YME1L1: variants seen among roughly 807,000 people sequenced by gnomAD.
The protein encoded by YME1L1 is ATP-dependent zinc metalloprotease YME1L1.
In YME1L1, 39 loss-of-function variants were observed where a neutral mutation model predicts 90.4. That is an observed-to-expected ratio of 0.43 (90% CI 0.33 to 0.56). YME1L1 has a LOEUF of 0.56. YME1L1 is among the 20% of genes least tolerant of loss of function. The pLI is 0.03. For synonymous variants in YME1L1, 284 were observed against 287.3 expected (o/e 0.99, Z 0.12); for missense variants, 617 against 868.4 (o/e 0.71, Z 3.64).
At chr10:27,137,586 T>C (rs2057042383) in intron 4 of YME1L1, among the ~76,000 whole-genome samples, 1 of 152,196 alleles carries the variant, frequency 6.6e-6, no homozygotes, top group South Asian at 2.1e-4. Flanking sequence ...TTTCCTTTTC[T>C]TCATATCCTT....
chr10:27,154,166 T>A lies in YME1L1; in HGVS notation c.33+12A>T, dbSNP rs1387971968. On this transcript the variant is annotated intron_variant, in intron 1 of 18. Coordinates refer to ENST00000376016, the MANE Select transcript of YME1L1 (RefSeq NM_014263.4). ...GCGGGAGGAAAAAAAATGGGCTGAA[T>A]GCCTGGCTTACCTGGGGTTGCACCG... is the stretch of plus-strand genomic sequence containing the variant. 4.4e-6 allele frequency: 7 copies of A among 1,587,280 alleles called. No homozygotes were observed. The highest frequency in any genetic ancestry group is 2.3e-5 in the South Asian group (2 of 87,294).
chr10:27,140,729 G>A (rs534880751), intron 4 of YME1L1, among the ~76,000 whole-genome samples: 18 of 151,226 alleles, frequency 1.2e-4, no homozygotes, highest in Admixed American at 6.6e-4. Flanking sequence ...CACCCTCCTC[G>A]GCCTACCAAA....
chr10:27,138,830 A>G (rs184777925), intron 4 of YME1L1, among the ~76,000 whole-genome samples: 268 of 152,240 alleles, frequency 1.8e-3, no homozygotes, highest in African/African-American at 6.3e-3. Context: ...ATGCTGAAAA[A>G]AAAACCAGGA....
At chr10:27,136,696 G>A (rs1376198110) in intron 4 of YME1L1, among the ~76,000 whole-genome samples, 1 of 142,170 alleles carries the variant, frequency 7.0e-6, no homozygotes, top group Non-Finnish European at 1.5e-5. Context: ...TTTTCAAAAG[G>A]AACTTTATTT....
At chr10:27,123,150 T>A (rs1199110298) in intron 10 of YME1L1, among the ~76,000 whole-genome samples, 177 bp from the exon 11 acceptor site, 1 of 152,192 alleles carries the variant, frequency 6.6e-6, no homozygotes, top group Admixed American at 6.6e-5. Context: ...GAAAAAACTA[T>A]ACCAAAGAAA....
chr10:27,149,711 C>CA (rs58900380), intron 1 of YME1L1, among the ~76,000 whole-genome samples: 1,259 of 32,270 alleles, frequency 0.039, 125 homozygotes, highest in Non-Finnish European at 0.053. Context: ...ACCTGTCTCT[C>CA]AAAAAAAAAA....
At chr10:27,141,888 C>T (rs2135890933) in intron 4 of YME1L1, among the ~76,000 whole-genome samples, 1 of 152,288 alleles carries the variant, frequency 6.6e-6, no homozygotes, top group Middle Eastern at 3.4e-3. Flanking sequence ...TTTTCATTTA[C>T]AGTGATCACT....
In YME1L1 at chr10:27,123,718, G is replaced by A. The variant is rs375010837; in HGVS notation, c.950-19C>T. ...AGAATTCCTAAAAGAAAATGAAAACGAGAATGATTCAAAGTATTTTTAAAA... is the reference window on the plus strand; with the variant it reads ...AGAATTCCTAAAAGAAAATGAAAACAAGAATGATTCAAAGTATTTTTAAAA... On this transcript the variant is annotated intron_variant, in intron 9 of 18. Transcript: ENST00000376016. 4.7e-5 allele frequency: 74 copies of A among 1,580,606 alleles called. No individual in the cohort carries two copies. The highest frequency in any genetic ancestry group is 5.8e-5 in the Non-Finnish European group (68 of 1,168,228).
chr10:27,119,277 A>G lies in YME1L1; in HGVS notation c.1567+17T>C. 6.3e-7 allele frequency: 1 copy of G among 1,577,636 alleles called. No individual in the cohort carries two copies. On this transcript the variant is annotated intron_variant, in intron 14 of 18. Transcript: ENST00000376016. ...CAATGAAAAGTAAAAGACAGAAAAA[A>G]AAGAAAGGAAACCTACCCATTAGAA... is the stretch of plus-strand genomic sequence containing the variant.
At chr10:27,143,294 G>A (rs929670037) in intron 3 of YME1L1, among the ~76,000 whole-genome samples, 3 of 151,940 alleles carry the variant, frequency 2.0e-5, no homozygotes, top group East Asian at 2.0e-4. Context: ...ACTTGAACCC[G>A]GGAGGGAGAA....
intron 10 of YME1L1, 42 bp downstream of exon 10, chr10:27,123,505 T>G: frequency 6.3e-7 from 1 of 1,592,306 alleles, no homozygotes; most frequent in South Asian, 1.2e-5. Flanking sequence ...ACACTTCCCT[T>G]AACAAAATTT....
intron 9 of YME1L1, among the ~76,000 whole-genome samples, chr10:27,125,156 T>C (rs139770310): frequency 2.0e-5 from 3 of 152,238 alleles, no homozygotes; most frequent in African/African-American, 7.2e-5. Flanking sequence ...AAAGAAATAA[T>C]TAAGCATGCA....
At chr10:27,137,067 T>C (rs913228157) in intron 4 of YME1L1, among the ~76,000 whole-genome samples, 1 of 149,986 alleles carries the variant, frequency 6.7e-6, no homozygotes, top group Admixed American at 6.6e-5. Context: ...ATAGATTGAA[T>C]CTACACAACT....
At chr10:27,126,642 GTTTC>G (rs1171244603) in intron 9 of YME1L1, 50 bp downstream of exon 9, 1 of 988,612 alleles carries the variant, frequency 1.0e-6, no homozygotes, top group Non-Finnish European at 1.5e-6. Flanking sequence ...TTTTTTGTTT[GTTTC>G]TTTGTTTTTG....
chr10:27,142,926 A>G (rs1363089789), intron 3 of YME1L1, among the ~76,000 whole-genome samples: 4 of 152,194 alleles, frequency 2.6e-5, no homozygotes, highest in South Asian at 2.1e-4. Context: ...TGTGTTAGCC[A>G]GGATGTGGTC....
chr10:27,147,467 C>T (rs1226482452), intron 2 of YME1L1: 16 of 1,614,056 alleles, frequency 9.9e-6, no homozygotes, highest in Non-Finnish European at 1.7e-6. Flanking sequence ...AAATCATAGA[C>T]AATAGGCATT....
intron 2 of YME1L1, among the ~76,000 whole-genome samples, chr10:27,148,558 C>T (rs1220809802): frequency 3.9e-5 from 6 of 152,156 alleles, no homozygotes; most frequent in African/African-American, 1.4e-4. Flanking sequence ...GCCCACTCAA[C>T]TTGAAGATAA....
At chr10:27,146,672 C>T (rs566455249) in intron 2 of YME1L1, 2 of 152,308 alleles carry the variant, frequency 1.3e-5, no homozygotes, top group Middle Eastern at 6.8e-3. Flanking sequence ...TGAGCTATGA[C>T]AGCATCACTG....
rs1199399797 is a variant in YME1L1, at chr10:27,123,054, T to C, written c.1103-81A>G. 4 of 1,504,098 alleles carry C rather than the reference T, an allele frequency of 2.7e-6. No individual in the cohort carries two copies. The East Asian group carries it at 6.9e-5, about 26-fold the overall frequency. The allele number at this position is 1,504,098 out of a possible 1,614,324, so 93.2% of individuals were successfully genotyped here. On this transcript the variant is annotated intron_variant, in intron 10 of 18. Coordinates refer to ENST00000376016, the MANE Select transcript of YME1L1 (RefSeq NM_014263.4). ...AAACGAGATAAATATTAAAATCCTA[T>C]ACAACTGTCAAAAGCCAACAAAAAA...
Sources: allele counts gnomAD v4.1 joint callset (sites outside exome capture counted in the v4.1 genomes callset), GRCh38; gene constraint gnomAD v4.1.1; transcripts MANE v1.5; gene names NCBI Gene and HGNC (gene_info 2026-07-23, HGNC 2026-07-21).